Variants in DNAH5 observed in about 807,000 individuals in gnomAD.
DNAH5 encodes the protein axonemal beta dynein heavy chain 5.
A neutral mutation model predicts 518.2 loss-of-function variants in DNAH5; 372 were observed. The observed-to-expected ratio is 0.72, with a 90% CI of 0.66 to 0.78. The LOEUF is 0.78. Among genes scored for constraint, DNAH5 ranks in the 30% least tolerant of loss-of-function variants. The pLI is 0.00. For missense variants in DNAH5, 5,523 were observed against 5,687.0 expected (o/e 0.97, Z 0.93); for synonymous variants, 2,039 against 2,025.9 (o/e 1.01, Z -0.17).
chr5:13,843,314 C>T (rs1268753470), intron 32 of DNAH5, among the ~76,000 whole-genome samples: 2 of 152,158 alleles, frequency 1.3e-5, no homozygotes, highest in African/African-American at 4.8e-5. Flanking sequence ...AGGTCACTGC[C>T]CTGCTTAAAC....
rs1030366203 is a variant in DNAH5, at chr5:13,820,633, G to C, written c.6688-134C>G. Reference sequence around the variant, plus strand: ...AGGTCAGGAGTTCAAGACCAGCCAGGCCAACATGGTGAAACCCCGTCTCTA... The same window carrying C: ...AGGTCAGGAGTTCAAGACCAGCCAGCCCAACATGGTGAAACCCCGTCTCTA... On this transcript the variant is annotated intron_variant, in intron 40 of 78. Coordinates refer to ENST00000265104, the MANE Select transcript of DNAH5 (RefSeq NM_001369.3). 18 of 1,009,156 alleles carry C rather than the reference G, an allele frequency of 1.8e-5. No homozygotes were observed. The African/African-American group carries it at 2.4e-4, about 13-fold the overall frequency. The allele number at this position is 1,009,156 out of a possible 1,614,324, so 62.5% of individuals were successfully genotyped here.
chr5:13,840,736 CGTTCA>C (rs1765040093), intron 34 of DNAH5, among the ~76,000 whole-genome samples, 165 bp downstream of exon 34: 1 of 152,206 alleles, frequency 6.6e-6, no homozygotes, highest in South Asian at 2.1e-4. Flanking sequence ...ATATGACTTA[CGTTCA>C]GTTAAGACTG....
In DNAH5 at chr5:13,758,850, T is replaced by C. The variant is rs1057517890; in HGVS notation, c.10415A>G (p.Lys3472Arg). ...GCCATGACAAAGGGCAGTTACCTGC[T>C]TTTCAGTCATGGCCTGTTCATACTC... ...QAEYEQAMTE[K>R]QTLLEDAERC... Residue 3472 changes from lysine (K) to arginine (R), a missense_variant, in exon 61 of 79, where the codon AAG becomes AGG. This residue lies in a region of DNAH5 where 5,121 missense variants were observed against 5,223.3 expected (regional missense o/e 0.98). Transcript: ENST00000265104. 1.2e-5 allele frequency: 20 copies of C among 1,614,172 alleles called. No individual in the cohort carries two copies. The highest frequency in any genetic ancestry group is 1.7e-4 in the Middle Eastern group (1 of 6,060).
chr5:13,721,204 G>A lies in DNAH5; in HGVS notation c.12075C>T (p.Ala4025=), dbSNP rs761519239. ...TCTCCAAGTCTAAAATAACACCTTC[G>A]GCATATTTTTCTCCCATGGAGTCCA... ...YIVDSMGEKY[A]EGVILDLEKT... Residue 4025 remains alanine (A), a synonymous_variant, in exon 71 of 79, where the codon GCC becomes GCT. Transcript: ENST00000265104. 8.7e-6 allele frequency: 14 copies of A among 1,613,942 alleles called. No homozygotes were observed. The highest frequency in any genetic ancestry group is 4.5e-5 in the East Asian group (2 of 44,886).
At chr5:13,989,577 G>C (rs1020504725) in intron 1 of DNAH5, among the ~76,000 whole-genome samples, 7 of 148,800 alleles carry the variant, frequency 4.7e-5, no homozygotes, top group Non-Finnish European at 8.9e-5. Context: ...TCTGCCTCCC[G>C]GGTTCACGCC....
At chr5:13,982,232 T>G (rs1782725990) in intron 1 of DNAH5, among the ~76,000 whole-genome samples, 1 of 152,268 alleles carries the variant, frequency 6.6e-6, no homozygotes, top group Non-Finnish European at 1.5e-5. Flanking sequence ...TGTATTTTGG[T>G]TAAAGGAAAT....
intron 22 of DNAH5, among the ~76,000 whole-genome samples, chr5:13,874,838 G>C (rs1413653362): frequency 6.6e-6 from 1 of 152,078 alleles, no homozygotes; most frequent in African/African-American, 2.4e-5. Context: ...TTTTAAGCCA[G>C]GTTGTGTTAG....
Position 13,940,571 on chromosome 5 carries a change from G to A in DNAH5, c.57+3811C>T, listed in dbSNP as rs182103888. On this transcript the variant is annotated intron_variant, in intron 1 of 78. Transcript: ENST00000265104. ...ACTGATGCCTGGGCCTCCCACCCCT[G>A]AGAAATCCTGATTTATCTGGTCAGG... Among the ~76,000 whole-genome samples the A allele has an allele frequency of 3.2e-4, 49 of 152,240 alleles. No individual in the cohort carries two copies. The East Asian group carries it at 8.7e-3, about 27-fold the overall frequency.
In DNAH5 at chr5:13,850,640, C is replaced by T. The variant is rs1480402713; in HGVS notation, c.5114+12G>A. On this transcript the variant is annotated intron_variant, in intron 31 of 78. Coordinates refer to ENST00000265104, the MANE Select transcript of DNAH5 (RefSeq NM_001369.3). Reference sequence around the variant, plus strand: ...AGGATACCGAGAGCTTTCAAAGAGCCAGTGAACTTACCCAGTAAGGGATTT... The same window carrying T: ...AGGATACCGAGAGCTTTCAAAGAGCTAGTGAACTTACCCAGTAAGGGATTT... 15 of 1,612,952 alleles carry T rather than the reference C, an allele frequency of 9.3e-6. No homozygotes were observed. The East Asian group carries it at 1.3e-4, about 14-fold the overall frequency.
chr5:13,799,551 T>C (rs1275042569), intron 47 of DNAH5, among the ~76,000 whole-genome samples: 1 of 152,026 alleles, frequency 6.6e-6, no homozygotes, highest in Non-Finnish European at 1.5e-5. Context: ...CACAACAAAA[T>C]AGGGAGAAAA....
At chr5:13,918,748 G>A (rs1052690781) in intron 7 of DNAH5, among the ~76,000 whole-genome samples, 3 of 152,190 alleles carry the variant, frequency 2.0e-5, no homozygotes, top group Non-Finnish European at 2.9e-5. Context: ...GATTACAGGC[G>A]TGAGCCACCA....
intron 1 of DNAH5, among the ~76,000 whole-genome samples, chr5:13,992,259 C>T (rs1004778656): frequency 6.6e-6 from 1 of 152,188 alleles, no homozygotes; most frequent in African/African-American, 2.4e-5. Context: ...CCATCTCCTC[C>T]ACAAGCATCC....
rs752898848 is a variant in DNAH5 at position 13,844,828 on chromosome 5, T to C, written c.5271+9A>G. ...GTGATTGTTGGCCTGCCATTAGAAT[T>C]AGGCGAACCTTTTCGTGGAACTTGA... On this transcript the variant is annotated intron_variant, in intron 32 of 78. Coordinates refer to ENST00000265104, the MANE Select transcript of DNAH5 (RefSeq NM_001369.3). 1 of 1,614,182 alleles carries C rather than the reference T, an allele frequency of 6.2e-7. No homozygotes were observed. The highest frequency in any genetic ancestry group is 1.1e-5 in the South Asian group (1 of 91,086).
chr5:13,921,482 CACACACACACACACA>C (rs1580898934), intron 5 of DNAH5, among the ~76,000 whole-genome samples: 13 of 134,496 alleles, frequency 9.7e-5, no homozygotes, highest in African/African-American at 3.4e-4. Context: ...CTCTCACACA[CACACACACACACACA>C]CACACACACA....
At chr5:13,793,401 A>C in intron 49 of DNAH5, 114 bp downstream of exon 49, 1 of 843,588 alleles carries the variant, frequency 1.2e-6, no homozygotes, top group Non-Finnish European at 2.0e-6. Flanking sequence ...GAGGCTGTAG[A>C]CCAAGGAGCC....
intron 1 of DNAH5, among the ~76,000 whole-genome samples, chr5:13,980,855 C>T (rs1441215435): frequency 6.6e-6 from 1 of 152,246 alleles, no homozygotes; most frequent in Non-Finnish European, 1.5e-5. Flanking sequence ...GGGCCTCCCT[C>T]AGCTGTTACA....
chr5:13,928,191 A>C lies in DNAH5; in HGVS notation c.193-13T>G. ...CAATTCTTTCAATCTGGGAAAAAGA[A>C]AAAGGCAAGATAATGATTTTCAATC... is the stretch of plus-strand genomic sequence containing the variant. On this transcript the variant is annotated splice_polypyrimidine_tract_variant and intron_variant, in intron 2 of 78. Coordinates refer to ENST00000265104, the MANE Select transcript of DNAH5 (RefSeq NM_001369.3). 6.3e-7 allele frequency: 1 copy of C among 1,599,276 alleles called. No individual in the cohort carries two copies. Among genetic ancestry groups the C allele is most frequent in the South Asian group, 1.1e-5 (1 of 90,754 alleles).
chr5:13,937,558 TC>T (rs33974226), intron 1 of DNAH5, among the ~76,000 whole-genome samples: 60,208 of 151,290 alleles, frequency 0.4, 13,293 homozygotes, highest in East Asian at 0.7. Context: ...CACTGCTGCT[TC>T]CATCTGACAG....
At chr5:13,789,264 C>T (rs1756574240) in intron 50 of DNAH5, among the ~76,000 whole-genome samples, 1 of 152,084 alleles carries the variant, frequency 6.6e-6, no homozygotes, top group Non-Finnish European at 1.5e-5. Context: ...CAGAGTATAA[C>T]ATAAGATACA....
Sources: gnomAD v4.1 joint callset for allele counts (sites outside exome capture counted in the v4.1 genomes callset) on GRCh38, gnomAD v4.1.1 for gene constraint, gnomAD v4.1.1 regional missense constraint, MANE v1.5 for transcripts, NCBI Gene and HGNC (gene_info 2026-07-23, HGNC 2026-07-21) for gene names.